ASPHD1: variants seen among roughly 807,000 people sequenced by gnomAD.
The protein encoded by ASPHD1 is aspartate beta-hydroxylase domain-containing protein 1.
Under a neutral mutation model 28.3 loss-of-function variants are expected in ASPHD1, and 20 were observed. The ratio of observed to expected loss-of-function variants is 0.71; its 90% CI spans 0.50 to 1.03. The LOEUF (loss-of-function observed/expected upper bound fraction) is 1.03, where lower values mean the gene tolerates loss of function less well. Among genes scored for constraint, ASPHD1 ranks in the 50% least tolerant of loss-of-function variants. The pLI, the probability that ASPHD1 is intolerant of heterozygous loss-of-function variation, is 0.00. For missense variants in ASPHD1, 479 were observed against 524.1 expected, an observed-to-expected ratio of 0.91 and a Z score of 0.84; for synonymous variants, 240 against 221.2, an observed-to-expected ratio of 1.08 and a Z score of -0.75.
At chr16:29,911,780 G>A (rs778134504) in intron 3 of ASPHD1, 1 of 1,610,144 alleles carries the variant, frequency 6.2e-7, no homozygotes, top group South Asian at 1.1e-5. Context: ...CTGCATCCCA[G>A]GGTCCCGCCC....
intron 3 of ASPHD1, chr16:29,915,439 G>T (rs1260493828): frequency 6.6e-6 from 1 of 152,064 alleles, no homozygotes; most frequent in Non-Finnish European, 1.5e-5. Flanking sequence ...ATCACCTGAG[G>T]TCAGGAGTTT....
chr16:29,911,249 T>G, intron 3 of ASPHD1: 1 of 1,153,958 alleles, frequency 8.7e-7, no homozygotes, highest in Non-Finnish European at 1.3e-6. Context: ...CGGGCCTGGA[T>G]GCATTCCCAG....
Position 29,906,002 on chromosome 16 carries a change from G to GGT in ASPHD1, c.*105_*106insGT. 18 of 414,040 alleles carry GGT rather than the reference G, an allele frequency of 4.3e-5. No homozygotes were observed. Among genetic ancestry groups the GGT allele is most frequent in the Non-Finnish European group, 7.4e-5 (16 of 215,362 alleles). The allele number at this position is 414,040 out of a possible 1,614,324, so 25.6% of individuals were successfully genotyped here. A position where few individuals can be genotyped will look rare whatever the true frequency, so the allele number is the denominator to read the frequency against. ...TCTACTGCGGGGGTGGGCGGGGGCGGAGGATGGGAACTGGCTAGTGAGCAC... is the reference window on the plus strand; with the variant it reads ...TCTACTGCGGGGGTGGGCGGGGGCGGGTAGGATGGGAACTGGCTAGTGAGCAC... On this transcript the variant is annotated 3_prime_UTR_variant, in exon 3 of 3. Coordinates refer to ENST00000308748, the MANE Select transcript of ASPHD1 (RefSeq NM_181718.4).
At chr16:29,906,629 G>A, downstream of ASPHD1, 3 of 667,286 alleles carry the variant, frequency 4.5e-6, no homozygotes, top group Non-Finnish European at 8.3e-6. Context: ...AGGACGCAGG[G>A]CCAGGGTGGG....
chr16:29,917,115 C>G (rs2068823808), intron 3 of ASPHD1, among the ~76,000 whole-genome samples: 1 of 152,144 alleles, frequency 6.6e-6, no homozygotes, highest in African/African-American at 2.4e-5. Flanking sequence ...TGGTGAGGAT[C>G]TGAAAAGGTC....
At chr16:29,917,775 T>C (rs116805367) in intron 3 of ASPHD1, among the ~76,000 whole-genome samples, 4,416 of 151,370 alleles carry the variant, frequency 0.029, 217 homozygotes, top group African/African-American at 0.1. Flanking sequence ...TGAGACTCCA[T>C]TTAGAAAAAT....
At chr16:29,917,635 C>T (rs1199868841) in intron 3 of ASPHD1, among the ~76,000 whole-genome samples, 1 of 152,024 alleles carries the variant, frequency 6.6e-6, no homozygotes, top group African/African-American at 2.4e-5. Context: ...AAAAATTAGC[C>T]AGGCATGGTG....
At chr16:29,910,519 G>A (rs2068689192), downstream of ASPHD1, among the ~76,000 whole-genome samples, 1 of 151,990 alleles carries the variant, frequency 6.6e-6, no homozygotes, top group Non-Finnish European at 1.5e-5. Context: ...CACCACACCT[G>A]GCTAAATTTT....
intron 3 of ASPHD1, chr16:29,912,128 T>A: frequency 2.0e-6 from 2 of 994,502 alleles, no homozygotes; most frequent in South Asian, 1.4e-5. Context: ...CAAAAGCTGG[T>A]TGGGAACAAC....
downstream of ASPHD1, among the ~76,000 whole-genome samples, chr16:29,908,339 C>T (rs886525871): frequency 2.0e-5 from 3 of 152,132 alleles, no homozygotes; most frequent in Admixed American, 6.6e-5. Context: ...GCCTTGGAAG[C>T]ATCTAACACA....
At chr16:29,902,883 CTTTTTCTTTTTT>C (rs1055801309) in intron 1 of ASPHD1, among the ~76,000 whole-genome samples, 5 of 107,552 alleles carry the variant, frequency 4.6e-5, no homozygotes, top group Non-Finnish European at 9.1e-5. Context: ...GAGATTTTTT[CTTTTTCTTTTTT>C]TTTTTTTTTT....
chr16:29,913,021 T>C (rs973946421), intron 3 of ASPHD1: 2 of 152,054 alleles, frequency 1.3e-5, no homozygotes, highest in African/African-American at 4.8e-5. Context: ...GAAAACTCAA[T>C]GCGCAATTCT....
At chr16:29,911,690 G>T (rs544369227) in intron 3 of ASPHD1, 313 of 1,007,978 alleles carry the variant, frequency 3.1e-4, no homozygotes, top group Middle Eastern at 9.4e-4. Flanking sequence ...AGGCGAAGCC[G>T]AATCTGCGAG....
chr16:29,919,401 T>C (rs1004902526), intron 3 of ASPHD1: 4 of 152,252 alleles, frequency 2.6e-5, no homozygotes, highest in African/African-American at 9.6e-5. Flanking sequence ...GGCAGTTACC[T>C]ATCAATGATA....
At chr16:29,907,212 T>A, downstream of ASPHD1, 1 of 777,166 alleles carries the variant, frequency 1.3e-6, no homozygotes. Context: ...AGCCCTGCAG[T>A]CAGGTCCTTG....
rs540527502 is a variant in ASPHD1 at position 29,917,503 on chromosome 16, C to T, written c.*63-2028C>T. On this transcript the variant is annotated intron_variant and NMD_transcript_variant, in intron 3 of 3. Transcript: ENST00000414952. The stretch of plus-strand genomic sequence containing the variant: ...TTCTACAAAAAATACAAAAATTAGA[C>T]GGGTGTGGTGGCTCATGCTTGTAAT... Among the ~76,000 whole-genome samples, 8 of 152,100 alleles carry T rather than the reference C, an allele frequency of 5.3e-5. No individual in the cohort carries two copies. The East Asian group carries it at 5.8e-4, about 11-fold the overall frequency.
chr16:29,911,756 G>C, intron 3 of ASPHD1: 1 of 1,588,748 alleles, frequency 6.3e-7, no homozygotes. Context: ...GCCTTGGGCA[G>C]AAGCAGGGCT....
intron 3 of ASPHD1, among the ~76,000 whole-genome samples, chr16:29,917,021 G>A (rs1346614516): frequency 6.6e-6 from 1 of 152,208 alleles, no homozygotes; most frequent in Admixed American, 6.5e-5. Flanking sequence ...AGAGGCAGAA[G>A]CTGTAATGTC....
At chr16:29,917,043 A>C (rs1243796159) in intron 3 of ASPHD1, among the ~76,000 whole-genome samples, 1 of 152,216 alleles carries the variant, frequency 6.6e-6, no homozygotes, top group Non-Finnish European at 1.5e-5. Context: ...TTTATGACCT[A>C]GCTTCAAAGT....
Sources: gnomAD v4.1 joint callset for allele counts (sites outside exome capture counted in the v4.1 genomes callset) on GRCh38, gnomAD v4.1.1 for gene constraint, MANE v1.5 for transcripts, NCBI Gene and HGNC (gene_info 2026-07-23, HGNC 2026-07-21) for gene names.